Variants in ANLN observed in about 807,000 individuals in gnomAD.
ANLN encodes anillin.
In ANLN, 59 loss-of-function variants were observed where a neutral mutation model predicts 135.1. That is an observed-to-expected ratio of 0.44 (90% CI 0.35 to 0.54). The LOEUF (loss-of-function observed/expected upper bound fraction) is 0.54, where lower values mean the gene tolerates loss of function less well. Among genes scored for constraint, ANLN ranks in the 20% least tolerant of loss-of-function variants. The probability of loss-of-function intolerance (pLI) is 0.00; values close to 1 mark genes in which losing one functional copy is unlikely to be tolerated. For synonymous variants in ANLN, 406 were observed against 456.4 expected (o/e 0.89, Z 1.41); for missense variants, 1,182 against 1,340.0 (o/e 0.88, Z 1.84).
chr7:36,403,121 A>AAATAT (rs1237661695), intron 3 of ANLN, among the ~76,000 whole-genome samples: 19 of 152,116 alleles, frequency 1.2e-4, no homozygotes, highest in South Asian at 2.1e-4. Flanking sequence ...CTTTCTCAAA[A>AAATAT]AATATAATAT....
Position 36,417,146 on chromosome 7 carries a change from A to C in ANLN, c.1589A>C (p.Lys530Thr). Residue 530 changes from lysine to threonine, a missense_variant, in exon 9 of 24, where the codon AAA becomes ACA. Physicochemically the swap from Lys to Thr is moderately conservative, Grantham distance 78 (BLOSUM62 -1). Around this residue, in one of 3 missense-constraint regions of ANLN, gnomAD observed 1,022 missense variants for 1,134.0 expected, o/e 0.90. Coordinates refer to ENST00000265748, the MANE Select transcript of ANLN (RefSeq NM_018685.5). Reference protein sequence around the residue: ...LKITLFLEEDKSLKVTSDPKV... With the variant: ...LKITLFLEEDTSLKVTSDPKV... Reference sequence around the variant, plus strand: ...ATAACATTGTTTTTAGAAGAGGACAAATCCTTAAAAGTAACATCAGACCCA... The same window carrying C: ...ATAACATTGTTTTTAGAAGAGGACACATCCTTAAAAGTAACATCAGACCCA... The C allele has an allele frequency of 1.2e-6, 2 of 1,609,498 alleles. No individual in the cohort carries two copies. The highest frequency in any genetic ancestry group is 1.7e-6 in the Non-Finnish European group (2 of 1,178,414).
chr7:36,426,094 C>T (rs765838685), intron 19 of ANLN, 58 bp downstream of exon 19: 62 of 1,195,240 alleles, frequency 5.2e-5, no homozygotes, highest in Non-Finnish European at 6.9e-5. Context: ...TAAGCACTTG[C>T]ATATTTACAT....
At chr7:36,418,744 T>G (rs1787749025) in intron 9 of ANLN, among the ~76,000 whole-genome samples, 1 of 136,492 alleles carries the variant, frequency 7.3e-6, no homozygotes, top group African/African-American at 2.6e-5. Flanking sequence ...TCTTTTTCTT[T>G]TTCTTTTTTC....
intron 20 of ANLN, among the ~76,000 whole-genome samples, chr7:36,427,489 C>A (rs1002463094): frequency 2.6e-5 from 4 of 152,092 alleles, no homozygotes; most frequent in African/African-American, 9.6e-5. Context: ...GTAGCTGGGA[C>A]TACAGGCACG....
At chr7:36,408,983 G>T (rs540205607) in intron 5 of ANLN, among the ~76,000 whole-genome samples, 2 of 152,138 alleles carry the variant, frequency 1.3e-5, no homozygotes, top group Non-Finnish European at 2.9e-5. Flanking sequence ...TACAACCTCT[G>T]CAGAAACTAT....
At chr7:36,422,311 T>A (rs1486872895) in intron 13 of ANLN, among the ~76,000 whole-genome samples, 1 of 151,366 alleles carries the variant, frequency 6.6e-6, no homozygotes, top group African/African-American at 2.4e-5. Flanking sequence ...CTCTCTCCCT[T>A]CCTTCCCTTA....
At position 36,423,874 on chromosome 7, in the gene ANLN, C is replaced by G. The variant is rs1787977276; in HGVS notation, c.2534C>G (p.Ala845Gly). 6.2e-7 allele frequency: 1 copy of G among 1,612,318 alleles called. No individual in the cohort carries two copies. The highest frequency in any genetic ancestry group is 1.3e-5 in the African/African-American group (1 of 74,852). The change falls in exon 15 of 24, where the codon GCC becomes GGC. Residue 845 changes from alanine to glycine, a missense_variant. This residue lies in a region of ANLN where 1,022 missense variants were observed against 1,134.0 expected (regional missense o/e 0.90). Coordinates refer to ENST00000265748, the MANE Select transcript of ANLN (RefSeq NM_018685.5). Reference protein sequence around the residue: ...ILKAGAENMVATPLASTSNSL... With the variant: ...ILKAGAENMVGTPLASTSNSL... ...AAAGCAGGAGCTGAAAATATGGTAGCCACACCATTAGCAAGTACTTCAAAC... is the reference window on the plus strand; with the variant it reads ...AAAGCAGGAGCTGAAAATATGGTAGGCACACCATTAGCAAGTACTTCAAAC...
chr7:36,420,801 C>G, intron 12 of ANLN, 57 bp downstream of exon 12: 4 of 1,578,622 alleles, frequency 2.5e-6, no homozygotes, highest in Non-Finnish European at 3.5e-6. Flanking sequence ...GCTGTGAGCT[C>G]TGTGAGGACA....
rs771700813 is a variant in ANLN at position 36,389,942 on chromosome 7, G to A, written c.-85G>A. ...CGCCTCAGACTCCTGGTTTTTTCCA[G>A]GAGACACACTGAGCTGAGACTCACT... On this transcript the variant is annotated 5_prime_UTR_variant, in exon 1 of 24. Coordinates refer to ENST00000265748, the MANE Select transcript of ANLN (RefSeq NM_018685.5). 9.3e-6 allele frequency: 15 copies of A among 1,612,756 alleles called. No homozygotes were observed. Among genetic ancestry groups the A allele is most frequent in the Middle Eastern group, 1.7e-4 (1 of 6,052 alleles).
At chr7:36,413,248 T>C (rs1397239295) in intron 7 of ANLN, among the ~76,000 whole-genome samples, 1 of 152,164 alleles carries the variant, frequency 6.6e-6, no homozygotes, top group East Asian at 1.9e-4. Flanking sequence ...TCATGCAGAC[T>C]CTTCTACAAG....
Position 36,406,486 on chromosome 7 carries a change from G to A in ANLN, c.793G>A (p.Gly265Ser), listed in dbSNP as rs1478877657. 6.3e-7 allele frequency: 1 copy of A among 1,595,978 alleles called. No individual in the cohort carries two copies. The highest frequency in any genetic ancestry group is 8.6e-7 in the Non-Finnish European group (1 of 1,168,202). The part of the protein sequence containing the change: ...QEATFCSQRD[G>S]DASLNKALSS... ...AGCTACATTCTGTTCCCAAAGGGAT[G>A]GCGATGCCTCTTTGAATAAAGCCCT... is the stretch of plus-strand genomic sequence containing the variant. Residue 265 changes from glycine (G) to serine (S), a missense_variant, in exon 4 of 24, where the codon GGC (glycine) becomes AGC (serine). Gly to Ser is a moderately conservative substitution (Grantham distance 56). Around this residue, in one of 3 missense-constraint regions of ANLN, gnomAD observed 1,022 missense variants for 1,134.0 expected, o/e 0.90. Transcript: ENST00000265748.
chr7:36,450,556 A>C (rs1383168778), intron 23 of ANLN, among the ~76,000 whole-genome samples: 1 of 152,246 alleles, frequency 6.6e-6, no homozygotes, highest in African/African-American at 2.4e-5. Context: ...GCCAGGAGAC[A>C]CAATACTAAA....
intron 10 of ANLN, 83 bp from the exon 11 acceptor site, chr7:36,420,086 T>A (rs1191940438): frequency 7.3e-7 from 1 of 1,367,522 alleles, no homozygotes; most frequent in African/African-American, 1.5e-5. Context: ...TTCTTAATAT[T>A]AATGGAGAAT....
intron 5 of ANLN, among the ~76,000 whole-genome samples, chr7:36,408,211 AT>A (rs373615397): frequency 3.3e-5 from 5 of 151,970 alleles, no homozygotes; most frequent in African/African-American, 1.2e-4. Flanking sequence ...ATCATGCTAG[AT>A]TTTTTTTCTA....
intron 23 of ANLN, among the ~76,000 whole-genome samples, chr7:36,450,383 G>A (rs767644738): frequency 6.6e-6 from 1 of 152,206 alleles, no homozygotes; most frequent in African/African-American, 2.4e-5. Flanking sequence ...ATGCCTAAGA[G>A]AAGCTTGAAG....
intron 21 of ANLN, among the ~76,000 whole-genome samples, chr7:36,442,115 A>C (rs1330571503): frequency 6.6e-6 from 1 of 152,220 alleles, no homozygotes; most frequent in Non-Finnish European, 1.5e-5. Context: ...TAAAACAGTG[A>C]ATTGAGAAGA....
rs750298147 is a variant in ANLN, at chr7:36,426,980, C to T, written c.2835C>T (p.Tyr945=). The T allele has an allele frequency of 6.2e-7, 1 of 1,613,464 alleles. No individual in the cohort carries two copies. Among genetic ancestry groups the T allele is most frequent in the Non-Finnish European group, 8.5e-7 (1 of 1,179,766 alleles). ...RTSNFALVGS[Y]TLSLSSVGNT... The stretch of plus-strand genomic sequence containing the variant: ...GCAACTTCGCCCTTGTTGGATCTTA[C>T]ACATTATCATTGTCTTCAGTAGGAA... The change falls in exon 20 of 24, where the codon TAC becomes TAT. Residue 945 remains tyrosine, a synonymous_variant. Transcript: ENST00000265748.
intron 3 of ANLN, among the ~76,000 whole-genome samples, chr7:36,400,554 G>C (rs1187723655): frequency 6.6e-6 from 1 of 152,082 alleles, no homozygotes; most frequent in Non-Finnish European, 1.5e-5. Flanking sequence ...GGTAGAGATG[G>C]AGTTGCACCA....
intron 22 of ANLN, among the ~76,000 whole-genome samples, chr7:36,447,063 C>T (rs964598774): frequency 3.3e-5 from 5 of 152,184 alleles, no homozygotes; most frequent in African/African-American, 1.2e-4. Context: ...AGTCATAACA[C>T]GTTTCTGTTG....
Sources: allele counts gnomAD v4.1 joint callset (sites outside exome capture counted in the v4.1 genomes callset), GRCh38; gene constraint gnomAD v4.1.1; regional missense constraint gnomAD v4.1.1; transcripts MANE v1.5; gene names NCBI Gene and HGNC (gene_info 2026-07-23, HGNC 2026-07-21).